The following XXYLT1 variants were observed in gnomAD, a reference collection of about 807,000 sequenced individuals.
The protein encoded by XXYLT1 is xyloside xylosyltransferase 1.
Under a neutral mutation model 28.9 loss-of-function variants are expected in XXYLT1, and 20 were observed. The ratio of observed to expected loss-of-function variants is 0.69; its 90% CI spans 0.49 to 1.00. XXYLT1 has a LOEUF of 1.00. XXYLT1 is among the 50% of genes least tolerant of loss of function. The pLI is 0.00. For synonymous variants in XXYLT1, 257 were observed against 253.8 expected, an observed-to-expected ratio of 1.01 and a Z score of -0.12; for missense variants, 542 against 560.1, an observed-to-expected ratio of 0.97 and a Z score of 0.33.
chr3:195,230,893 A>G (rs952953947), intron 1 of XXYLT1, among the ~76,000 whole-genome samples: 3 of 151,750 alleles, frequency 2.0e-5, no homozygotes, highest in African/African-American at 7.3e-5. Flanking sequence ...AAATTTTAGG[A>G]TTTTTTTCCT....
In XXYLT1 at chr3:195,240,066, A is replaced by C. The variant is rs1200740264; in HGVS notation, c.505-13210T>G. ...TACTTTTATTTTTAATTACTTCTGCATCTAAATTCAGTAATGACTGAGCTT... is the reference window on the plus strand; with the variant it reads ...TACTTTTATTTTTAATTACTTCTGCCTCTAAATTCAGTAATGACTGAGCTT... On this transcript the variant is annotated intron_variant, in intron 1 of 3. Transcript: ENST00000310380. This position sits in a 1 kb window ranked among gnomAD's most constrained non-coding sequence, Gnocchi z 4.7. Among the ~76,000 whole-genome samples, 1 of 152,250 alleles carries C rather than the reference A, an allele frequency of 6.6e-6. No homozygotes were observed. Among genetic ancestry groups the C allele is most frequent in the Non-Finnish European group, 1.5e-5 (1 of 68,038 alleles).
At chr3:195,116,334 T>G (rs1281169557) in intron 3 of XXYLT1, among the ~76,000 whole-genome samples, 2 of 152,222 alleles carry the variant, frequency 1.3e-5, no homozygotes, top group African/African-American at 4.8e-5. Flanking sequence ...CTTCTCCAAT[T>G]TTAATGTTTC....
At chr3:195,182,653 G>T (rs1042812303) in intron 2 of XXYLT1, among the ~76,000 whole-genome samples, 3 of 152,186 alleles carry the variant, frequency 2.0e-5, no homozygotes, top group Non-Finnish European at 2.9e-5. Context: ...ATAAGCCGAG[G>T]TCTGCTTTCC....
chr3:195,188,692 A>AT (rs1429137837), intron 2 of XXYLT1, among the ~76,000 whole-genome samples: 4 of 152,238 alleles, frequency 2.6e-5, no homozygotes, highest in African/African-American at 9.6e-5. Flanking sequence ...CTTGTCCTGC[A>AT]TCATAACTGC....
chr3:195,070,838 A>C (rs1455970914), intron 3 of XXYLT1, among the ~76,000 whole-genome samples: 1 of 151,320 alleles, frequency 6.6e-6, no homozygotes, highest in Non-Finnish European at 1.5e-5. Flanking sequence ...CAGCTGTAGA[A>C]GAGCCATGTA....
At chr3:195,252,713 C>CAGAGAGAGAGAG (rs1725306517) in intron 1 of XXYLT1, among the ~76,000 whole-genome samples, 1 of 141,436 alleles carries the variant, frequency 7.1e-6, no homozygotes, top group African/African-American at 3.1e-5. Context: ...CACACACACA[C>CAGAGAGAGAGAG]ACACACACAC....
At chr3:195,212,944 C>T (rs1262225818) in intron 2 of XXYLT1, among the ~76,000 whole-genome samples, 5 of 152,222 alleles carry the variant, frequency 3.3e-5, no homozygotes, top group African/African-American at 7.2e-5. Context: ...CATGGTATGC[C>T]GCCAGACCCA....
intron 2 of XXYLT1, among the ~76,000 whole-genome samples, chr3:195,162,556 A>G (rs1720925958): frequency 6.6e-6 from 1 of 152,220 alleles, no homozygotes; most frequent in Admixed American, 6.5e-5. Flanking sequence ...GAAGCATGAA[A>G]AACTGTGTTG....
chr3:195,071,435 G>A (rs371770588), intron 3 of XXYLT1, among the ~76,000 whole-genome samples: 5 of 152,206 alleles, frequency 3.3e-5, no homozygotes, highest in South Asian at 2.1e-4. Flanking sequence ...TTCTGGGAAC[G>A]GAGGAACCTT....
chr3:195,131,508 G>A (rs1385154266), intron 3 of XXYLT1, among the ~76,000 whole-genome samples: 1 of 152,220 alleles, frequency 6.6e-6, no homozygotes, highest in Non-Finnish European at 1.5e-5. Context: ...AGAATGGCTT[G>A]GAATCTGTTA....
chr3:195,226,675 C>G (rs747083288), intron 2 of XXYLT1, 34 bp downstream of exon 2: 1 of 1,604,912 alleles, frequency 6.2e-7, no homozygotes, highest in Non-Finnish European at 8.5e-7. Flanking sequence ...AAGTCAGACA[C>G]CCAGGGGCTA....
At chr3:195,117,114 T>C (rs1351601816) in intron 3 of XXYLT1, among the ~76,000 whole-genome samples, 9 of 148,630 alleles carry the variant, frequency 6.1e-5, no homozygotes, top group African/African-American at 9.9e-5. Flanking sequence ...ATATAGTGTA[T>C]ACACACACAC....
At chr3:195,118,288 C>G (rs1015761929) in intron 3 of XXYLT1, among the ~76,000 whole-genome samples, 3 of 152,242 alleles carry the variant, frequency 2.0e-5, no homozygotes, top group Non-Finnish European at 4.4e-5. Flanking sequence ...CTACCCCTAT[C>G]AGAAAAACTC....
Position 195,168,430 on chromosome 3 carries a change from ATAG to A in XXYLT1, c.653-11852_653-11850del. Among the ~76,000 whole-genome samples the A allele has an allele frequency of 6.6e-6, 1 of 151,540 alleles. No individual in the cohort carries two copies. The highest frequency in any genetic ancestry group is 2.1e-4 in the South Asian group (1 of 4,832). On this transcript the variant is annotated intron_variant, in intron 2 of 3. Transcript: ENST00000310380. This position sits in a 1 kb window ranked among gnomAD's most constrained non-coding sequence, Gnocchi z 4.3. The stretch of plus-strand genomic sequence containing the variant: ...GCTAAATGTGAGGGTTCAGAAATAA[ATAG>A]TGTCTTTCCTAGCCTCAAAATGCAA...
At chr3:195,149,987 A>G (rs990443625) in intron 3 of XXYLT1, among the ~76,000 whole-genome samples, 1 of 152,168 alleles carries the variant, frequency 6.6e-6, no homozygotes, top group African/African-American at 2.4e-5. Context: ...AATTCTAGGA[A>G]AGGGGTTAAG....
chr3:195,096,749 T>C (rs1461397974), intron 3 of XXYLT1, among the ~76,000 whole-genome samples: 1 of 152,112 alleles, frequency 6.6e-6, no homozygotes, highest in African/African-American at 2.4e-5. Context: ...AATCAGAACA[T>C]AGAGACAAGC....
At chr3:195,110,768 G>GT (rs1717635484) in intron 3 of XXYLT1, among the ~76,000 whole-genome samples, 1 of 6,878 alleles carries the variant, frequency 1.5e-4, no homozygotes. Context: ...AAGTGTGTGT[G>GT]GTGTGTGTGT....
intron 3 of XXYLT1, among the ~76,000 whole-genome samples, chr3:195,110,304 A>G (rs796322183): frequency 0.21 from 337 of 1,616 alleles, 19 homozygotes; most frequent in African/African-American, 0.32. Context: ...CGTGTGTGGT[A>G]TATGTGTGTG....
At chr3:195,164,474 C>T (rs1165399837) in intron 2 of XXYLT1, among the ~76,000 whole-genome samples, 1 of 152,270 alleles carries the variant, frequency 6.6e-6, no homozygotes, top group Non-Finnish European at 1.5e-5. Flanking sequence ...CCCTGCCTCA[C>T]ACTTTGTTCC....
Sources: allele counts gnomAD v4.1 joint callset (sites outside exome capture counted in the v4.1 genomes callset), GRCh38; gene constraint gnomAD v4.1.1; non-coding constraint Gnocchi (gnomAD v3.1); transcripts MANE v1.5; gene names NCBI Gene and HGNC (gene_info 2026-07-23, HGNC 2026-07-21).